ADAMTS3: variants seen among roughly 807,000 people sequenced by gnomAD.
The protein encoded by ADAMTS3 is A disintegrin and metalloproteinase with thrombospondin motifs 3.
A neutral mutation model predicts 129.0 loss-of-function variants in ADAMTS3; 73 were observed. That is an observed-to-expected ratio of 0.57 (90% CI 0.47 to 0.69). The LOEUF is 0.69. Ranked by LOEUF, ADAMTS3 falls within the 30% of genes least tolerant of loss-of-function variation. The pLI is 0.00. For missense variants in ADAMTS3, 1,457 were observed against 1,514.5 expected (o/e 0.96, Z 0.63); for synonymous variants, 477 against 510.8 (o/e 0.93, Z 0.89).
At chr4:72,400,883 G>C (rs1405403765) in intron 4 of ADAMTS3, among the ~76,000 whole-genome samples, 5 of 148,652 alleles carry the variant, frequency 3.4e-5, no homozygotes, top group Non-Finnish European at 7.5e-5. Context: ...TGTATATATT[G>C]GATATATATA....
chr4:72,532,445 C>T (rs1424344776), intron 3 of ADAMTS3, among the ~76,000 whole-genome samples: 1 of 152,008 alleles, frequency 6.6e-6, no homozygotes, highest in Admixed American at 6.6e-5. Flanking sequence ...GCTTCCCTAA[C>T]AGTCCATCTA....
At position 72,399,904 on chromosome 4, in the gene ADAMTS3, T is replaced by TAC. The variant is rs1316691938; in HGVS notation, c.661+14910_661+14911insGT. Among the ~76,000 whole-genome samples the TAC allele has an allele frequency of 5.6e-4, 29 of 51,480 alleles. 2 individuals are homozygous for TAC. The highest frequency in any genetic ancestry group is 1.8e-3 in the African/African-American group (17 of 9,448). The allele number at this position is 51,480 out of a possible 152,430, so 33.8% of individuals were successfully genotyped here. A position where few individuals can be genotyped will look rare whatever the true frequency, so the allele number is the denominator to read the frequency against. ...CACGGTGTGTATATACGTGTGTATA[T>TAC]ATGCACACACGGTGTGTATATACGT... On this transcript the variant is annotated intron_variant, in intron 4 of 21. Transcript: ENST00000286657.
chr4:72,375,175 C>T (rs1477660297), intron 4 of ADAMTS3, among the ~76,000 whole-genome samples: 1 of 152,102 alleles, frequency 6.6e-6, no homozygotes, highest in Non-Finnish European at 1.5e-5. Flanking sequence ...CTTCCTTCCC[C>T]AAAACTATGA....
intron 4 of ADAMTS3, among the ~76,000 whole-genome samples, chr4:72,348,013 T>G (rs1720332729): frequency 6.6e-6 from 1 of 152,072 alleles, no homozygotes; most frequent in African/African-American, 2.4e-5. Context: ...CAATATGGAA[T>G]GATTAATAAA....
intron 3 of ADAMTS3, among the ~76,000 whole-genome samples, chr4:72,543,611 T>C (rs1721390959): frequency 6.6e-6 from 1 of 152,040 alleles, no homozygotes; most frequent in African/African-American, 2.4e-5. Context: ...AATAAACTAG[T>C]CCCAAAAATG....
At chr4:72,409,054 T>C (rs1030784569) in intron 4 of ADAMTS3, among the ~76,000 whole-genome samples, 15 of 151,990 alleles carry the variant, frequency 9.9e-5, no homozygotes, top group African/African-American at 3.6e-4. Flanking sequence ...AACCCAGAAC[T>C]TAAAGTATAA....
chr4:72,325,680 T>G (rs763563565), intron 5 of ADAMTS3, among the ~76,000 whole-genome samples: 13 of 152,188 alleles, frequency 8.5e-5, no homozygotes, highest in Non-Finnish European at 1.8e-4. Context: ...GTGAATTAAT[T>G]TCTGGAGAAG....
rs575587435 is a variant in ADAMTS3 at position 72,392,050 on chromosome 4, T to C, written c.661+22765A>G. 2.0e-5 allele frequency among the ~76,000 whole-genome samples: 3 copies of C among 152,338 alleles called. No homozygotes were observed. In the South Asian group the frequency reaches 6.2e-4, roughly 32 times the overall value. ...TGGCCCTATGCTGAGCACATGAGTATAAAGATGTTTCGAGGATCTTAAAAC... is the reference window on the plus strand; with the variant it reads ...TGGCCCTATGCTGAGCACATGAGTACAAAGATGTTTCGAGGATCTTAAAAC... On this transcript the variant is annotated intron_variant, in intron 4 of 21. Coordinates refer to ENST00000286657, the MANE Select transcript of ADAMTS3 (RefSeq NM_014243.3).
chr4:72,291,317 T>C (rs1718658620), intron 19 of ADAMTS3, among the ~76,000 whole-genome samples: 1 of 152,014 alleles, frequency 6.6e-6, no homozygotes, highest in South Asian at 2.1e-4. Flanking sequence ...TAGTTACATA[T>C]GTATACATGT....
In ADAMTS3 at chr4:72,303,684, T is replaced by C. The variant is rs186374799; in HGVS notation, c.2424+233A>G. ...TTGTCTTTAAAAGATGATAACTGAT[T>C]ATTTAAGTCAAAAATCAGAATGCTG... On this transcript the variant is annotated intron_variant, in intron 17 of 21. Transcript: ENST00000286657. Among the ~76,000 whole-genome samples, 10 of 152,234 alleles carry C rather than the reference T, an allele frequency of 6.6e-5. No individual in the cohort carries two copies. The East Asian group carries it at 1.9e-3, about 29-fold the overall frequency.
intron 3 of ADAMTS3, among the ~76,000 whole-genome samples, chr4:72,455,077 T>G (rs1227409616): frequency 6.6e-6 from 1 of 151,726 alleles, no homozygotes; most frequent in East Asian, 2.0e-4. Context: ...GCACATGTTT[T>G]ATGCATCTCA....
intron 3 of ADAMTS3, among the ~76,000 whole-genome samples, chr4:72,476,089 C>T (rs765478366): frequency 3.3e-5 from 5 of 151,700 alleles, no homozygotes; most frequent in Non-Finnish European, 5.9e-5. Context: ...AAAGTAAACC[C>T]AAACTAAGTA....
intron 5 of ADAMTS3, among the ~76,000 whole-genome samples, chr4:72,339,029 C>T (rs1720060149): frequency 6.6e-6 from 1 of 152,136 alleles, no homozygotes; most frequent in Non-Finnish European, 1.5e-5. Context: ...AAAAAAATCA[C>T]ATTTGTTCAA....
intron 3 of ADAMTS3, among the ~76,000 whole-genome samples, chr4:72,528,356 A>G (rs988510802): frequency 8.5e-5 from 13 of 152,236 alleles, no homozygotes; most frequent in African/African-American, 2.4e-4. Flanking sequence ...AGTAGTTAAA[A>G]GAGAGTATTT....
intron 3 of ADAMTS3, among the ~76,000 whole-genome samples, chr4:72,464,038 G>A (rs1718854628): frequency 1.3e-5 from 2 of 151,992 alleles, no homozygotes; most frequent in Admixed American, 1.3e-4. Context: ...TGCTTTTATT[G>A]AAAGGTGCTA....
chr4:72,337,673 C>T (rs1358149258), intron 5 of ADAMTS3, among the ~76,000 whole-genome samples: 1 of 152,106 alleles, frequency 6.6e-6, no homozygotes, highest in Admixed American at 6.5e-5. Flanking sequence ...CAATTTAATA[C>T]TTTTATCACT....
At chr4:72,493,716 A>G (rs189808837) in intron 3 of ADAMTS3, among the ~76,000 whole-genome samples, 1 of 152,162 alleles carries the variant, frequency 6.6e-6, no homozygotes, top group African/African-American at 2.4e-5. Flanking sequence ...TGTTTAGCAT[A>G]TTTTCATTTC....
chr4:72,540,603 G>A (rs1183769406), intron 3 of ADAMTS3, among the ~76,000 whole-genome samples: 3 of 152,124 alleles, frequency 2.0e-5, no homozygotes, highest in African/African-American at 7.2e-5. Flanking sequence ...CACACACCCG[G>A]AGGTCTAGGA....
chr4:72,449,178 A>G (rs1718330618), intron 3 of ADAMTS3, among the ~76,000 whole-genome samples: 2 of 151,614 alleles, frequency 1.3e-5, no homozygotes, highest in African/African-American at 4.8e-5. Context: ...ACTTTACTTA[A>G]GTGTTCCCAC....
Sources: gnomAD v4.1 joint callset for allele counts (sites outside exome capture counted in the v4.1 genomes callset) on GRCh38, gnomAD v4.1.1 for gene constraint, MANE v1.5 for transcripts, NCBI Gene and HGNC (gene_info 2026-07-23, HGNC 2026-07-21) for gene names.